Variants in BTBD9 observed in about 807,000 individuals in gnomAD.
BTBD9 encodes BTB domain containing 9.
Under a neutral mutation model 64.3 loss-of-function variants are expected in BTBD9, and 49 were observed. That is an observed-to-expected ratio of 0.76 (90% CI 0.61 to 0.97). BTBD9 has a LOEUF of 0.97. BTBD9 is among the 50% of genes least tolerant of loss of function. BTBD9 has a pLI of 0.00. For missense variants in BTBD9, 598 were observed against 762.1 expected (o/e 0.78, Z 2.53); for synonymous variants, 260 against 274.7 (o/e 0.95, Z 0.53).
At chr6:38,390,553 C>T (rs1766365656) in intron 6 of BTBD9, among the ~76,000 whole-genome samples, 1 of 152,078 alleles carries the variant, frequency 6.6e-6, no homozygotes, top group African/African-American at 2.4e-5. Flanking sequence ...TCATGAACAA[C>T]AAAAATGAAC....
chr6:38,277,480 C>T (rs1217682941), intron 8 of BTBD9, among the ~76,000 whole-genome samples: 2 of 151,836 alleles, frequency 1.3e-5, no homozygotes, highest in East Asian at 3.9e-4. Context: ...ATTACAGGCG[C>T]CCACCACCAC....
intron 6 of BTBD9, among the ~76,000 whole-genome samples, chr6:38,469,451 T>C (rs934972327): frequency 4.6e-5 from 7 of 152,028 alleles, no homozygotes; most frequent in African/African-American, 1.7e-4. Flanking sequence ...CCAGCGTAGC[T>C]GGGACTTACA....
At chr6:38,249,168 G>T (rs908653667) in intron 9 of BTBD9, among the ~76,000 whole-genome samples, 7 of 152,056 alleles carry the variant, frequency 4.6e-5, no homozygotes, top group African/African-American at 1.7e-4. Flanking sequence ...AGATATGCTG[G>T]GGTTCTGAAA....
intron 6 of BTBD9, among the ~76,000 whole-genome samples, chr6:38,459,887 T>C (rs967170191): frequency 6.6e-6 from 1 of 152,248 alleles, no homozygotes; most frequent in Non-Finnish European, 1.5e-5. Context: ...GCCATTTTAT[T>C]TCTTACTGTG....
intron 6 of BTBD9, among the ~76,000 whole-genome samples, chr6:38,498,326 A>T (rs1479892967): frequency 6.6e-6 from 1 of 152,194 alleles, no homozygotes; most frequent in Admixed American, 6.5e-5. Flanking sequence ...TTCATGGGCA[A>T]GAGAATGCTA....
At chr6:38,606,687 C>A (rs1007035399) in intron 1 of BTBD9, among the ~76,000 whole-genome samples, 3 of 152,116 alleles carry the variant, frequency 2.0e-5, no homozygotes, top group African/African-American at 4.8e-5. Context: ...AAGTACTTCT[C>A]ATCTAACAAT....
At chr6:38,573,560 T>C (rs956958054) in intron 6 of BTBD9, among the ~76,000 whole-genome samples, 11 of 152,136 alleles carry the variant, frequency 7.2e-5, no homozygotes, top group Non-Finnish European at 1.5e-4. Context: ...CCTACGCTCT[T>C]GTTCCCTCTC....
intron 9 of BTBD9, among the ~76,000 whole-genome samples, chr6:38,200,119 C>T (rs1198672369): frequency 6.6e-6 from 1 of 152,218 alleles, no homozygotes; most frequent in African/African-American, 2.4e-5. Context: ...AAGGTGCTGG[C>T]TACCACAGCA....
chr6:38,411,980 C>T (rs1457208838), intron 6 of BTBD9, among the ~76,000 whole-genome samples: 5 of 151,938 alleles, frequency 3.3e-5, no homozygotes, highest in Non-Finnish European at 7.4e-5. Context: ...CACACACATA[C>T]ATATATATGT....
intron 6 of BTBD9, among the ~76,000 whole-genome samples, chr6:38,429,455 CAAAA>C (rs201995368): frequency 2.0e-5 from 2 of 102,510 alleles, no homozygotes; most frequent in East Asian, 2.5e-4. Flanking sequence ...GACTACGTCT[CAAAA>C]AAAAAAAAAA....
intron 6 of BTBD9, among the ~76,000 whole-genome samples, chr6:38,384,973 C>T (rs1429682911): frequency 2.6e-5 from 4 of 151,734 alleles, no homozygotes; most frequent in East Asian, 1.9e-4. Flanking sequence ...TTTGAAGGGG[C>T]GCTGAGAGCC....
intron 6 of BTBD9, among the ~76,000 whole-genome samples, chr6:38,535,528 A>G (rs1200306639): frequency 2.0e-5 from 3 of 152,180 alleles, no homozygotes; most frequent in African/African-American, 2.4e-5. Flanking sequence ...ATGGAACCAT[A>G]AAAGACCCAG....
chr6:38,310,931 C>T (rs1436184756), intron 7 of BTBD9, among the ~76,000 whole-genome samples: 1 of 152,216 alleles, frequency 6.6e-6, no homozygotes. Context: ...CCTCAGCCTC[C>T]TGAGTAGCTG....
rs551992855 is a variant in BTBD9, at chr6:38,210,095, T to C, written c.1563-17498A>G. ...GAGACAGGGGAAGGGGGTGTTTTAA[T>C]GCTCGACGTCTCACTCAGTACCCCA... On this transcript the variant is annotated intron_variant, in intron 9 of 10. Coordinates refer to ENST00000481247, the MANE Select transcript of BTBD9 (RefSeq NM_001099272.2). 7.2e-5 allele frequency among the ~76,000 whole-genome samples: 11 copies of C among 152,200 alleles called. 1 individual carries two copies. In the South Asian group the frequency reaches 2.3e-3, roughly 32 times the overall value.
At chr6:38,490,445 C>T (rs771361615) in intron 6 of BTBD9, among the ~76,000 whole-genome samples, 12 of 152,062 alleles carry the variant, frequency 7.9e-5, no homozygotes, top group Admixed American at 1.3e-4. Context: ...CTCAGTCTCC[C>T]GAGTAGCTGG....
At chr6:38,233,669 C>G (rs1931760) in intron 9 of BTBD9, among the ~76,000 whole-genome samples, 1 of 152,126 alleles carries the variant, frequency 6.6e-6, no homozygotes, top group Admixed American at 6.6e-5. Context: ...AATAGCCCTG[C>G]TACCAAATGA....
At chr6:38,203,459 G>A (rs1762532444) in intron 9 of BTBD9, among the ~76,000 whole-genome samples, 1 of 152,200 alleles carries the variant, frequency 6.6e-6, no homozygotes, top group South Asian at 2.1e-4. Flanking sequence ...ACATGTTAAT[G>A]TGGCACTATT....
At chr6:38,206,023 C>G (rs919790220) in intron 9 of BTBD9, among the ~76,000 whole-genome samples, 1 of 151,596 alleles carries the variant, frequency 6.6e-6, no homozygotes, top group African/African-American at 2.4e-5. Context: ...GCCCACAGGA[C>G]AACTAGTCCA....
intron 1 of BTBD9, among the ~76,000 whole-genome samples, chr6:38,616,995 C>T (rs765862356): frequency 1.7e-4 from 26 of 152,140 alleles, no homozygotes; most frequent in African/African-American, 6.3e-4. Context: ...TGAGTACTAT[C>T]GGACCCCTTT....
Sources: allele counts gnomAD v4.1 joint callset (sites outside exome capture counted in the v4.1 genomes callset), GRCh38; gene constraint gnomAD v4.1.1; transcripts MANE v1.5; gene names NCBI Gene and HGNC (gene_info 2026-07-23, HGNC 2026-07-21).